The following LHX8 variants were observed in gnomAD, a reference collection of about 807,000 sequenced individuals.
LHX8 encodes LIM homeobox 8.
Under a neutral mutation model 40.3 loss-of-function variants are expected in LHX8, and 12 were observed. The ratio of observed to expected loss-of-function variants is 0.30; its 90% confidence interval spans 0.19 to 0.48. LHX8 has a LOEUF of 0.48. Among genes scored for constraint, LHX8 ranks in the 20% least tolerant of loss-of-function variants. LHX8 has a pLI of 0.99. For missense variants in LHX8, 344 were observed against 433.7 expected, an observed-to-expected ratio of 0.79 and a Z score of 1.84; for synonymous variants, 179 against 162.0, an observed-to-expected ratio of 1.10 and a Z score of -0.80.
At chr1:75,158,055 C>T (rs1174973371) in intron 8 of LHX8, among the ~76,000 whole-genome samples, 1 of 152,172 alleles carries the variant, frequency 6.6e-6, no homozygotes, top group Non-Finnish European at 1.5e-5. Context: ...TTCACATCCT[C>T]ACCAACACTT....
chr1:75,175,664 T>C, the LHX8 span, among the ~76,000 whole-genome samples: 2 of 152,034 alleles, frequency 1.3e-5, no homozygotes, highest in Non-Finnish European at 1.5e-5. Flanking sequence ...TTTTATTTTA[T>C]TTTATTTTAT....
intron 1 of LHX8, 50 bp downstream of exon 1, chr1:75,135,004 A>G (rs1648078737): frequency 1.1e-6 from 1 of 899,914 alleles, no homozygotes; most frequent in African/African-American, 1.8e-5. Flanking sequence ...GCGGTCCGGG[A>G]GAGTGGGTCG....
the LHX8 span, among the ~76,000 whole-genome samples, chr1:75,193,578 G>A: frequency 1.8e-4 from 28 of 152,248 alleles, no homozygotes; most frequent in South Asian, 3.7e-3. Context: ...TCTAATTTTC[G>A]GGTTTGTATT....
At chr1:75,179,350 G>A in the LHX8 span, among the ~76,000 whole-genome samples, 4 of 152,084 alleles carry the variant, frequency 2.6e-5, no homozygotes, top group African/African-American at 9.7e-5. Context: ...ATGAATCTGG[G>A]TGCTCTTGTA....
intron 8 of LHX8, among the ~76,000 whole-genome samples, chr1:75,157,501 C>T (rs189098396): frequency 6.6e-6 from 1 of 152,220 alleles, no homozygotes. Flanking sequence ...AATAACTATT[C>T]AGCTTGATGA....
At chr1:75,136,724 G>A in intron 2 of LHX8, 35 bp downstream of exon 2, 7 of 1,512,806 alleles carry the variant, frequency 4.6e-6, no homozygotes, top group South Asian at 2.4e-5. Context: ...TGGCAAGACT[G>A]GCCGTGGGGA....
chr1:75,188,706 G>A, the LHX8 span, among the ~76,000 whole-genome samples: 1 of 152,134 alleles, frequency 6.6e-6, no homozygotes, highest in Non-Finnish European at 1.5e-5. Flanking sequence ...AACCTACGTT[G>A]AAATGATAAT....
At chr1:75,128,510 T>G (rs1435645631) in exon 1 of LHX8, 2 of 152,174 alleles carry the variant, frequency 1.3e-5, no homozygotes, top group Non-Finnish European at 2.9e-5. Context: ...ACTGAAAGTG[T>G]CCATTTCTGA....
intron 1 of LHX8, chr1:75,128,722 A>C (rs1647888103): frequency 6.6e-6 from 1 of 152,230 alleles, no homozygotes; most frequent in Admixed American, 6.5e-5. Flanking sequence ...CAATATTCAG[A>C]AGGTTGTGCA....
chr1:75,184,039 C>T, the LHX8 span, among the ~76,000 whole-genome samples: 3 of 152,118 alleles, frequency 2.0e-5, no homozygotes, highest in African/African-American at 7.2e-5. Context: ...GAGGTCATGA[C>T]AATAATGGTA....
chr1:75,182,533 C>G, the LHX8 span, among the ~76,000 whole-genome samples: 1 of 152,096 alleles, frequency 6.6e-6, no homozygotes, highest in East Asian at 1.9e-4. Flanking sequence ...GCCACCACAC[C>G]CAGTTAACTT....
upstream of LHX8, among the ~76,000 whole-genome samples, chr1:75,133,307 C>A (rs547300478): frequency 5.4e-5 from 8 of 149,162 alleles, no homozygotes; most frequent in Non-Finnish European, 1.0e-4. Flanking sequence ...TACACAGGCT[C>A]ACTTCATCAC....
At chr1:75,157,887 T>G (rs1648813067) in intron 8 of LHX8, among the ~76,000 whole-genome samples, 1 of 152,232 alleles carries the variant, frequency 6.6e-6, no homozygotes. Flanking sequence ...GTACATGCTT[T>G]TTGTGCACAT....
Position 75,156,948 on chromosome 1 carries a change from C to T in LHX8, c.836C>T (p.Ser279Leu). 2 of 1,614,178 alleles carry T rather than the reference C, an allele frequency of 1.2e-6. No homozygotes were observed. The highest frequency in any genetic ancestry group is 1.7e-6 in the Non-Finnish European group (2 of 1,180,022). Reference sequence around the variant, plus strand: ...AAGAAACACGTCAGTCCTAATCACTCATCCTCCACCCCAGTCACAGCAGTC... The same window carrying T: ...AAGAAACACGTCAGTCCTAATCACTTATCCTCCACCCCAGTCACAGCAGTC... ...RHKKHVSPNH[S>L]SSTPVTAVPP... is the part of the protein sequence containing the mutation. The change falls in exon 8 of 9, where the codon TCA becomes TTA. Residue 279 changes from serine to leucine, a missense_variant. This residue lies in a region of LHX8 where 89 missense variants were observed against 92.8 expected (regional missense o/e 0.96). Coordinates refer to ENST00000356261, the MANE Select transcript of LHX8 (RefSeq NM_001256114.2).
the LHX8 span, among the ~76,000 whole-genome samples, chr1:75,187,945 C>T: frequency 6.6e-6 from 1 of 152,240 alleles, no homozygotes; most frequent in South Asian, 2.1e-4. Context: ...AAAAAAGAGT[C>T]AGCTTAAACA....
intron 7 of LHX8, 67 bp downstream of exon 7, chr1:75,148,749 C>A: frequency 9.2e-7 from 1 of 1,088,502 alleles, no homozygotes; most frequent in Non-Finnish European, 1.4e-6. Context: ...CCCTATGTTG[C>A]CCAGACTGAT....
intron 6 of LHX8, among the ~76,000 whole-genome samples, chr1:75,146,193 A>C (rs907106185): frequency 7.2e-5 from 11 of 152,188 alleles, no homozygotes; most frequent in Non-Finnish European, 1.5e-4. Context: ...GAATTTGGCA[A>C]GATAATAAAA....
At chr1:75,196,650 G>T in the LHX8 span, among the ~76,000 whole-genome samples, 1 of 152,096 alleles carries the variant, frequency 6.6e-6, no homozygotes, top group Non-Finnish European at 1.5e-5. Flanking sequence ...TCCTATTTCT[G>T]TTCTCAATAT....
chr1:75,174,092 C>G, the LHX8 span, among the ~76,000 whole-genome samples: 5 of 152,036 alleles, frequency 3.3e-5, no homozygotes, highest in East Asian at 9.6e-4. Flanking sequence ...GATGTTCAAC[C>G]TGTACTTCCT....
Sources: allele counts gnomAD v4.1 joint callset (sites outside exome capture counted in the v4.1 genomes callset), GRCh38; gene constraint gnomAD v4.1.1; regional missense constraint gnomAD v4.1.1; transcripts MANE v1.5; gene names NCBI Gene and HGNC (gene_info 2026-07-23, HGNC 2026-07-21).